The following BFSP2 variants were observed in gnomAD, a reference collection of about 807,000 sequenced individuals.
BFSP2 encodes phakinin.
BFSP2 carries 38 observed loss-of-function variants against 44.9 expected under a neutral mutation model. That is an observed-to-expected ratio of 0.85 (90% confidence interval 0.65 to 1.11). The LOEUF (loss-of-function observed/expected upper bound fraction) is 1.11. Ranked by LOEUF, BFSP2 falls within the 50% of genes least tolerant of loss-of-function variation. BFSP2 has a pLI of 0.00. For missense variants in BFSP2, 525 were observed against 533.0 expected (o/e 0.99, Z 0.15); for synonymous variants, 197 against 209.9 (o/e 0.94, Z 0.53).
intron 4 of BFSP2, among the ~76,000 whole-genome samples, chr3:133,455,954 T>C (rs550863656): frequency 1.4e-4 from 22 of 152,206 alleles, no homozygotes; most frequent in Non-Finnish European, 3.1e-4. Context: ...CAATTTCCAT[T>C]TGCCCAAAGC....
intron 1 of BFSP2, among the ~76,000 whole-genome samples, chr3:133,424,223 T>TGTGTGTGTGTGTGTGTGTGTGTGTG (rs777798163): frequency 4.8e-5 from 5 of 104,042 alleles, no homozygotes; most frequent in South Asian, 2.7e-4. Context: ...TTTTTTTTTT[T>TGTGTGTGTGTGTGTGTGTGTGTGTG]TTTTTTTTTT....
chr3:133,406,662 G>A (rs1419444013), intron 1 of BFSP2, among the ~76,000 whole-genome samples: 2 of 151,988 alleles, frequency 1.3e-5, no homozygotes, highest in Non-Finnish European at 2.9e-5. Flanking sequence ...CCTTTGACAT[G>A]ATAAAATATC....
intron 4 of BFSP2, among the ~76,000 whole-genome samples, chr3:133,457,871 G>C (rs1032554184): frequency 2.0e-5 from 3 of 152,216 alleles, no homozygotes; most frequent in Admixed American, 2.0e-4. Context: ...AGATGCCCCA[G>C]AATTTGTTTA....
At chr3:133,459,485 T>C (rs1489965241) in intron 4 of BFSP2, among the ~76,000 whole-genome samples, 1 of 152,222 alleles carries the variant, frequency 6.6e-6, no homozygotes, top group African/African-American at 2.4e-5. Context: ...CCTCTGTGTT[T>C]TGTTTGGCAG....
In BFSP2 at chr3:133,448,787, A is replaced by G. The variant is rs370082928; in HGVS notation, c.729+142A>G. ...AGGACTGCAGGGAACATACCTGTAAAATACTTTCAGATCCTTGAAGTGGGT... is the reference window on the plus strand; with the variant it reads ...AGGACTGCAGGGAACATACCTGTAAGATACTTTCAGATCCTTGAAGTGGGT... On this transcript the variant is annotated intron_variant, in intron 3 of 6. Transcript: ENST00000302334. 19 of 1,124,118 alleles carry G rather than the reference A, an allele frequency of 1.7e-5. No individual in the cohort carries two copies. The East Asian group carries it at 2.6e-4, about 15-fold the overall frequency. 69.6% of individuals were successfully genotyped at this position (1,124,118 alleles called of 1,614,324 possible).
At chr3:133,462,565 T>C (rs765212710) in intron 4 of BFSP2, among the ~76,000 whole-genome samples, 5 of 152,230 alleles carry the variant, frequency 3.3e-5, no homozygotes, top group African/African-American at 4.8e-5. Flanking sequence ...ATGGTAAATG[T>C]TTCACAACTG....
intron 6 of BFSP2, among the ~76,000 whole-genome samples, chr3:133,474,258 A>G (rs2074192621): frequency 1.3e-5 from 2 of 152,354 alleles, no homozygotes; most frequent in South Asian, 4.1e-4. Context: ...GAATAGAGAC[A>G]GCTTAGTGAT....
chr3:133,436,977 T>C (rs2073791517), intron 1 of BFSP2, among the ~76,000 whole-genome samples: 1 of 152,236 alleles, frequency 6.6e-6, no homozygotes, highest in Non-Finnish European at 1.5e-5. Context: ...AGTGTATATG[T>C]GCCACATTTT....
intron 1 of BFSP2, among the ~76,000 whole-genome samples, chr3:133,428,579 C>G (rs543427600): frequency 1.3e-5 from 2 of 152,238 alleles, no homozygotes; most frequent in East Asian, 3.9e-4. Context: ...CCGTAAGCCT[C>G]AACAGGTCCC....
At chr3:133,401,862 C>T (rs1399272044) in intron 1 of BFSP2, among the ~76,000 whole-genome samples, 2 of 152,140 alleles carry the variant, frequency 1.3e-5, no homozygotes, top group African/African-American at 4.8e-5. Flanking sequence ...CCTCCTGCCT[C>T]CCACTTCATC....
At chr3:133,451,276 T>A (rs146956231) in intron 4 of BFSP2, among the ~76,000 whole-genome samples, 1 of 152,168 alleles carries the variant, frequency 6.6e-6, no homozygotes, top group African/African-American at 2.4e-5. Context: ...TTATTAGAAT[T>A]AATGTTTATG....
In BFSP2 at chr3:133,432,905, T is replaced by G. The variant is rs1166025717; in HGVS notation, c.490-14412T>G. 2.6e-5 allele frequency among the ~76,000 whole-genome samples: 4 copies of G among 152,304 alleles called. No individual in the cohort carries two copies. The East Asian group carries it at 7.7e-4, about 29-fold the overall frequency. On this transcript the variant is annotated intron_variant, in intron 1 of 6. Transcript: ENST00000302334. ...CTGTCCAAACAACTTGACCTTACTG[T>G]TTTAGCCTAGCCCTCATGTCCGCGT...
chr3:133,423,109 C>T (rs1057140210), intron 1 of BFSP2, among the ~76,000 whole-genome samples: 3 of 150,404 alleles, frequency 2.0e-5, no homozygotes, highest in African/African-American at 7.4e-5. Flanking sequence ...ATGCCAGGCA[C>T]AAAGAAAGAA....
At position 133,435,342 on chromosome 3, in the gene BFSP2, G is replaced by A. The variant is rs541062625; in HGVS notation, c.490-11975G>A. The stretch of plus-strand genomic sequence containing the variant: ...AGAAAGTCAACAAGCAAAATGCCCT[G>A]AGCATCACAAACTGTTGCCATGACC... On this transcript the variant is annotated intron_variant, in intron 1 of 6. Coordinates refer to ENST00000302334, the MANE Select transcript of BFSP2 (RefSeq NM_003571.4). Among the ~76,000 whole-genome samples, 61 of 152,300 alleles carry A rather than the reference G, an allele frequency of 4.0e-4. 2 individuals carry two copies. The South Asian group carries it at 0.012, about 31-fold the overall frequency.
At chr3:133,416,343 ACC>A (rs1325852585) in intron 1 of BFSP2, among the ~76,000 whole-genome samples, 1 of 69,014 alleles carries the variant, frequency 1.4e-5, no homozygotes, top group East Asian at 4.1e-4. Context: ...CCTTCTCCTC[ACC>A]CCTGTCCTGT....
chr3:133,406,245 C>T (rs2073403697), intron 1 of BFSP2, among the ~76,000 whole-genome samples: 1 of 152,202 alleles, frequency 6.6e-6, no homozygotes, highest in African/African-American at 2.4e-5. Flanking sequence ...AGGCGTGAGC[C>T]ACCGTGCCCA....
chr3:133,458,497 C>A (rs1576593389), intron 4 of BFSP2, among the ~76,000 whole-genome samples: 1 of 152,026 alleles, frequency 6.6e-6, no homozygotes, highest in Admixed American at 6.6e-5. Flanking sequence ...AGTTCAAGAC[C>A]AGCCTGGCCA....
chr3:133,430,986 AT>A (rs1404045293), intron 1 of BFSP2, among the ~76,000 whole-genome samples: 7 of 152,174 alleles, frequency 4.6e-5, no homozygotes, highest in Non-Finnish European at 8.8e-5. Flanking sequence ...AGCTGAAGGC[AT>A]AGTCAAGGTT....
rs1576595976 is a variant in BFSP2, at chr3:133,462,750, G to A, written c.892-4078G>A. 3.3e-5 allele frequency among the ~76,000 whole-genome samples: 5 copies of A among 152,224 alleles called. No homozygotes were observed. In the East Asian group the frequency reaches 9.6e-4, roughly 29 times the overall value. On this transcript the variant is annotated intron_variant, in intron 4 of 6. Transcript: ENST00000302334. ...TACACCTATAACTTCAGCATGACTT[G>A]CTATTTCTTGGAAAATTCACCAACC...
Sources: gnomAD v4.1 joint callset for allele counts (sites outside exome capture counted in the v4.1 genomes callset) on GRCh38, gnomAD v4.1.1 for gene constraint, MANE v1.5 for transcripts, NCBI Gene and HGNC (gene_info 2026-07-23, HGNC 2026-07-21) for gene names.